Variants in HIRA observed in about 807,000 individuals in gnomAD.
The protein encoded by HIRA is protein HIRA.
In HIRA, 13 loss-of-function variants were observed where a neutral mutation model predicts 126.6. That is an observed-to-expected ratio of 0.10 (90% CI 0.07 to 0.16). The LOEUF (loss-of-function observed/expected upper bound fraction) is 0.16, where lower values mean the gene tolerates loss of function less well. Ranked by LOEUF, HIRA falls within the 10% of genes least tolerant of loss-of-function variation. The pLI is 1.00. For synonymous variants in HIRA, 511 were observed against 520.0 expected (o/e 0.98, Z 0.24); for missense variants, 834 against 1,314.4 (o/e 0.63, Z 5.65).
At chr22:19,344,714 G>C (rs932024045) in intron 24 of HIRA, among the ~76,000 whole-genome samples, 1 of 152,104 alleles carries the variant, frequency 6.6e-6, no homozygotes, top group Non-Finnish European at 1.5e-5. Flanking sequence ...TTTGTAAACA[G>C]TGACCCAAAA....
chr22:19,424,788 T>C (rs905924183), intron 1 of HIRA, among the ~76,000 whole-genome samples: 1 of 152,216 alleles, frequency 6.6e-6, no homozygotes, highest in African/African-American at 2.4e-5. Context: ...TGAACTGTAA[T>C]GCTGCAAGTC....
chr22:19,373,766 A>T (rs2088989593), intron 15 of HIRA, among the ~76,000 whole-genome samples: 1 of 151,990 alleles, frequency 6.6e-6, no homozygotes, highest in South Asian at 2.1e-4. Context: ...GGTCTGCCTC[A>T]GTCCTTTTTT....
chr22:19,346,729 C>T (rs573702005), intron 24 of HIRA, among the ~76,000 whole-genome samples: 1 of 152,316 alleles, frequency 6.6e-6, no homozygotes, highest in Admixed American at 6.5e-5. Flanking sequence ...CCAGATTTCT[C>T]CTGTTCTCTC....
At chr22:19,342,825 TGC>T (rs1253927369) in intron 24 of HIRA, among the ~76,000 whole-genome samples, 11 of 152,310 alleles carry the variant, frequency 7.2e-5, no homozygotes, top group African/African-American at 2.6e-4. Flanking sequence ...CATTTGCAAC[TGC>T]AAAAATACGG....
chr22:19,347,776 T>C (rs1398683409), intron 24 of HIRA, among the ~76,000 whole-genome samples: 3 of 152,018 alleles, frequency 2.0e-5, no homozygotes, highest in African/African-American at 7.2e-5. Flanking sequence ...CCGCCTCTAC[T>C]AAAAAAATAA....
At position 19,397,852 on chromosome 22, in the gene HIRA, G is replaced by GA. The variant is rs2089235985; in HGVS notation, c.493+139dup. ...AGCTTAAACAAATGTAACTGACAAAGAAAAACTGACAAGACACATAAATCC... is the reference window on the plus strand; with the variant it reads ...AGCTTAAACAAATGTAACTGACAAAGAAAAAACTGACAAGACACATAAATCC... On this transcript the variant is annotated intron_variant, in intron 6 of 24. Coordinates refer to ENST00000263208, the MANE Select transcript of HIRA (RefSeq NM_003325.4). The GA allele has an allele frequency of 8.4e-6, 5 of 597,062 alleles. 1 individual carries two copies. The South Asian group carries it at 1.1e-4, about 13-fold the overall frequency. 37.0% of individuals were successfully genotyped at this position (597,062 alleles called of 1,614,324 possible). A position where few individuals can be genotyped will look rare whatever the true frequency, so the allele number is the denominator to read the frequency against.
chr22:19,367,556 G>A (rs1047725957), intron 15 of HIRA, among the ~76,000 whole-genome samples: 5 of 152,052 alleles, frequency 3.3e-5, no homozygotes, highest in African/African-American at 1.2e-4. Context: ...TACTAGAGAC[G>A]AAGTTTTGCC....
At chr22:19,405,117 C>A (rs1417905747) in intron 5 of HIRA, among the ~76,000 whole-genome samples, 1 of 152,202 alleles carries the variant, frequency 6.6e-6, no homozygotes, top group Non-Finnish European at 1.5e-5. Flanking sequence ...TGCTCCCTGC[C>A]TTGTCTATAA....
chr22:19,344,515 A>G (rs1461205114), intron 24 of HIRA, among the ~76,000 whole-genome samples: 1 of 152,214 alleles, frequency 6.6e-6, no homozygotes, highest in Non-Finnish European at 1.5e-5. Flanking sequence ...TCAATAAAAC[A>G]AACCCTCTCA....
At chr22:19,338,098 C>T in intron 24 of HIRA, among the ~76,000 whole-genome samples, 1 of 152,002 alleles carries the variant, frequency 6.6e-6, no homozygotes, top group Non-Finnish European at 1.5e-5. Context: ...GGCCAGAATA[C>T]CTATCAGATT....
At chr22:19,399,560 C>T (rs1035726286) in intron 5 of HIRA, among the ~76,000 whole-genome samples, 3 of 152,148 alleles carry the variant, frequency 2.0e-5, no homozygotes, top group Admixed American at 6.5e-5. Flanking sequence ...ACTCTCCATA[C>T]TCCAGATTAT....
intron 14 of HIRA, 90 bp downstream of exon 14, chr22:19,377,779 G>C: frequency 8.3e-7 from 1 of 1,201,310 alleles, no homozygotes. Flanking sequence ...GGGCCACAAA[G>C]TGCAAACAGA....
At chr22:19,388,728 C>A (rs2089150061) in intron 9 of HIRA, among the ~76,000 whole-genome samples, 174 bp from the exon 10 acceptor site, 1 of 152,224 alleles carries the variant, frequency 6.6e-6, no homozygotes, top group African/African-American at 2.4e-5. Flanking sequence ...GGAACCAAAG[C>A]CTGCCAAAAA....
intron 1 of HIRA, among the ~76,000 whole-genome samples, chr22:19,424,443 G>A (rs2146259710): frequency 6.6e-6 from 1 of 152,334 alleles, no homozygotes; most frequent in South Asian, 2.1e-4. Context: ...GGCTCACCAA[G>A]CACATTTCAA....
rs541626669 is a variant in HIRA, at chr22:19,413,673, G to A, written c.38-2895C>T. Among the ~76,000 whole-genome samples the A allele has an allele frequency of 3.3e-5, 5 of 151,828 alleles. No individual in the cohort carries two copies. The South Asian group carries it at 8.3e-4, about 25-fold the overall frequency. Reference sequence around the variant, plus strand: ...GTCGCCCAGGCTAGAGTGCAGTGGCGTGATCTCCACTCACTGCAAGCTCCG... The same window carrying A: ...GTCGCCCAGGCTAGAGTGCAGTGGCATGATCTCCACTCACTGCAAGCTCCG... On this transcript the variant is annotated intron_variant, in intron 1 of 24. Transcript: ENST00000263208.
intron 15 of HIRA, among the ~76,000 whole-genome samples, chr22:19,373,487 C>T (rs1467142748): frequency 2.0e-5 from 3 of 152,174 alleles, no homozygotes; most frequent in Non-Finnish European, 2.9e-5. Context: ...TAATGCTGTA[C>T]ACCCTGGCCC....
At chr22:19,378,162 G>T (rs1049003785) in intron 13 of HIRA, 96 bp from the exon 14 acceptor site, 2 of 864,264 alleles carry the variant, frequency 2.3e-6, no homozygotes, top group Non-Finnish European at 3.3e-6. Flanking sequence ...TCCAAAGGCA[G>T]TATGTTTTCA....
intron 24 of HIRA, among the ~76,000 whole-genome samples, 159 bp from the exon 25 acceptor site, chr22:19,331,715 G>A (rs781889650): frequency 1.3e-5 from 2 of 152,232 alleles, no homozygotes; most frequent in Non-Finnish European, 2.9e-5. Flanking sequence ...TGGGGCAAAT[G>A]TGCAGGATGA....
chr22:19,371,884 G>A lies in HIRA; in HGVS notation c.1775+3747C>T, dbSNP rs566060112. ...TTATTCATCACCTGATGGACTTTTG[G>A]GCTATTTCCACTTTTTGGTTATTAT... On this transcript the variant is annotated intron_variant, in intron 15 of 24. Transcript: ENST00000263208. Among the ~76,000 whole-genome samples, 22 of 152,174 alleles carry A rather than the reference G, an allele frequency of 1.4e-4. No homozygotes were observed. The East Asian group carries it at 3.5e-3, about 24-fold the overall frequency.
Sources: allele counts gnomAD v4.1 joint callset (sites outside exome capture counted in the v4.1 genomes callset), GRCh38; gene constraint gnomAD v4.1.1; transcripts MANE v1.5; gene names NCBI Gene and HGNC (gene_info 2026-07-23, HGNC 2026-07-21).